The following LIPA variants were observed in gnomAD, a reference collection of about 807,000 sequenced individuals.
LIPA encodes lipase A, lysosomal acid type, also known as lysosomal acid lipase/cholesteryl ester hydrolase.
LIPA carries 26 observed loss-of-function variants against 40.6 expected under a neutral mutation model. The ratio of observed to expected loss-of-function variants is 0.64; its 90% CI spans 0.47 to 0.89. The LOEUF is 0.89. LIPA is among the 40% of genes least tolerant of loss of function. The pLI is 0.00. For missense variants in LIPA, 455 were observed against 479.6 expected, an observed-to-expected ratio of 0.95 and a Z score of 0.48; for synonymous variants, 188 against 168.4, an observed-to-expected ratio of 1.12 and a Z score of -0.90.
intron 6 of LIPA, 34 bp from the exon 7 acceptor site, chr10:89,223,864 G>A: frequency 1.2e-6 from 2 of 1,609,936 alleles, no homozygotes; most frequent in South Asian, 1.1e-5. Flanking sequence ...GAACATCTCA[G>A]CATTTCACTC....
At chr10:89,264,722 A>T (rs955615658) in intron 1 of LIPA, among the ~76,000 whole-genome samples, 1 of 152,182 alleles carries the variant, frequency 6.6e-6, no homozygotes, top group African/African-American at 2.4e-5. Context: ...TGATTGGTCC[A>T]TGGGCGGCCA....
intron 2 of LIPA, among the ~76,000 whole-genome samples, chr10:89,358,229 C>T (rs1331355351): frequency 6.6e-6 from 1 of 152,116 alleles, no homozygotes; most frequent in Non-Finnish European, 1.5e-5. Context: ...ATCAAAACCA[C>T]AGTGAGATAG....
intron 1 of LIPA, among the ~76,000 whole-genome samples, chr10:89,269,050 C>G (rs1198042803): frequency 2.0e-5 from 3 of 150,548 alleles, no homozygotes; most frequent in Non-Finnish European, 4.4e-5. Flanking sequence ...TAGGGCCAGG[C>G]ACGGTGGTTC....
intron 2 of LIPA, chr10:89,402,386 C>T (rs771929861): frequency 6.2e-7 from 1 of 1,614,140 alleles, no homozygotes; most frequent in Non-Finnish European, 8.5e-7. Context: ...ATTTAGAAAA[C>T]AGAGTCTTGG....
intron 1 of LIPA, among the ~76,000 whole-genome samples, chr10:89,260,482 A>G (rs1351889771): frequency 6.6e-6 from 1 of 152,192 alleles, no homozygotes; most frequent in Non-Finnish European, 1.5e-5. Flanking sequence ...GCTGTGGAGA[A>G]GATTGGCTAA....
chr10:89,255,368 TG>T (rs1843175812), upstream of LIPA, among the ~76,000 whole-genome samples: 1 of 152,200 alleles, frequency 6.6e-6, no homozygotes, highest in Non-Finnish European at 1.5e-5. Context: ...TCAGATCTCA[TG>T]AGACCTAGTC....
chr10:89,232,654 C>G (rs988321468), intron 3 of LIPA, among the ~76,000 whole-genome samples: 1 of 152,150 alleles, frequency 6.6e-6, no homozygotes, highest in African/African-American at 2.4e-5. Context: ...ATGTGGCAGC[C>G]AGGCCAGGAC....
intron 7 of LIPA, among the ~76,000 whole-genome samples, chr10:89,222,986 T>A (rs1048339437): frequency 3.3e-5 from 5 of 152,224 alleles, no homozygotes; most frequent in South Asian, 4.2e-4. Context: ...AAATGCCACA[T>A]GACAAACTAA....
chr10:89,278,004 A>G (rs1843297105), intron 1 of LIPA: 1 of 152,180 alleles, frequency 6.6e-6, no homozygotes, highest in African/African-American at 2.4e-5. Context: ...ATGTACTGCC[A>G]TTGTGAGAAC....
At chr10:89,409,583 C>T (rs1841454929) in intron 2 of LIPA, among the ~76,000 whole-genome samples, 1 of 152,192 alleles carries the variant, frequency 6.6e-6, no homozygotes, top group African/African-American at 2.4e-5. Context: ...AGCACCAGCT[C>T]ATGTCATCAC....
intron 2 of LIPA, among the ~76,000 whole-genome samples, chr10:89,388,113 CT>C (rs146856071): frequency 5.4e-5 from 8 of 149,438 alleles, no homozygotes; most frequent in East Asian, 3.9e-4. Flanking sequence ...GAAAAAAATT[CT>C]TTTTTTTTTG....
Position 89,234,140 on chromosome 10 carries a change from G to C in LIPA, c.230-5742C>G, listed in dbSNP as rs180845259. ...AGTAAGAGACAGATGTTTCCACAAA[G>C]GGTTCTGGAGAAAACATAGGAGCCA... is the stretch of plus-strand genomic sequence containing the variant. On this transcript the variant is annotated intron_variant, in intron 3 of 9. Transcript: ENST00000336233. 5.9e-5 allele frequency among the ~76,000 whole-genome samples: 9 copies of C among 152,342 alleles called. No homozygotes were observed. The East Asian group carries it at 1.7e-3, about 29-fold the overall frequency.
At chr10:89,410,351 A>G (rs560406683) in intron 2 of LIPA, among the ~76,000 whole-genome samples, 34 of 152,298 alleles carry the variant, frequency 2.2e-4, no homozygotes, top group African/African-American at 7.9e-4. Context: ...CAACCCTGCC[A>G]CTTTTCTCCC....
At chr10:89,252,818 A>C (rs1009726060), upstream of LIPA, among the ~76,000 whole-genome samples, 1 of 151,938 alleles carries the variant, frequency 6.6e-6, no homozygotes, top group Non-Finnish European at 1.5e-5. Flanking sequence ...AAAAAAAAAA[A>C]AAAACAGGGA....
chr10:89,409,560 G>A (rs1841454704), intron 2 of LIPA, among the ~76,000 whole-genome samples: 1 of 152,226 alleles, frequency 6.6e-6, no homozygotes, highest in East Asian at 1.9e-4. Context: ...CAGGACTGAG[G>A]GTGCCTGGGG....
intron 1 of LIPA, chr10:89,306,609 A>G (rs1765784339): frequency 6.2e-7 from 1 of 1,613,956 alleles, no homozygotes; most frequent in African/African-American, 1.3e-5. Context: ...CTGGCTCTGA[A>G]GCTTCATAAG....
chr10:89,345,230 G>T (rs566253384), upstream of LIPA, among the ~76,000 whole-genome samples: 1 of 151,832 alleles, frequency 6.6e-6, no homozygotes, highest in East Asian at 1.9e-4. Context: ...AAAAAATTAA[G>T]TTTTAACAAA....
At chr10:89,407,737 C>T (rs1408894224) in intron 2 of LIPA, among the ~76,000 whole-genome samples, 1 of 152,110 alleles carries the variant, frequency 6.6e-6, no homozygotes, top group Non-Finnish European at 1.5e-5. Flanking sequence ...AGGACTCTAA[C>T]AGGTTTTAGA....
At chr10:89,394,848 C>A (rs1464988263) in intron 2 of LIPA, among the ~76,000 whole-genome samples, 1 of 151,902 alleles carries the variant, frequency 6.6e-6, no homozygotes, top group Non-Finnish European at 1.5e-5. Context: ...CCCTACTTGC[C>A]TCTTTCCCCA....
Sources: allele counts gnomAD v4.1 joint callset (sites outside exome capture counted in the v4.1 genomes callset), GRCh38; gene constraint gnomAD v4.1.1; transcripts MANE v1.5; gene names NCBI Gene and HGNC (gene_info 2026-07-23, HGNC 2026-07-21).